XPNPEP1: variants seen among roughly 807,000 people sequenced by gnomAD.
XPNPEP1 encodes the protein xaa-Pro aminopeptidase 1.
Under a neutral mutation model 92.4 loss-of-function variants are expected in XPNPEP1, and 39 were observed. The ratio of observed to expected loss-of-function variants is 0.42; its 90% CI spans 0.33 to 0.55. The LOEUF is 0.55. Among genes scored for constraint, XPNPEP1 ranks in the 20% least tolerant of loss-of-function variants. The pLI, the probability that XPNPEP1 is intolerant of heterozygous loss-of-function variation, is 0.08. For missense variants in XPNPEP1, 654 were observed against 856.1 expected (o/e 0.76, Z 2.95); for synonymous variants, 307 against 299.4 (o/e 1.03, Z -0.26).
In XPNPEP1 at chr10:109,865,007, C is replaced by A. The variant is rs2133330961; in HGVS notation, c.*177G>T. ...TCAACAATTAAAAAATCATAAAAGA[C>A]TGAGTGTTTGCAATAAAATATCAAA... On this transcript the variant is annotated 3_prime_UTR_variant, in exon 21 of 21. Transcript: ENST00000502935. 1.1e-6 allele frequency: 1 copy of A among 906,432 alleles called. No individual in the cohort carries two copies. The highest frequency in any genetic ancestry group is 1.7e-5 in the African/African-American group (1 of 59,604). The allele number at this position is 906,432 out of a possible 1,614,324, so 56.1% of individuals were successfully genotyped here.
At chr10:109,900,803 G>A (rs1024515015) in intron 3 of XPNPEP1, among the ~76,000 whole-genome samples, 5 of 152,056 alleles carry the variant, frequency 3.3e-5, no homozygotes, top group Non-Finnish European at 5.9e-5. Flanking sequence ...GACCAGTCAG[G>A]GGTAATTCAT....
intron 15 of XPNPEP1, among the ~76,000 whole-genome samples, chr10:109,875,171 C>A (rs1847710762): frequency 1.3e-5 from 2 of 152,190 alleles, no homozygotes; most frequent in South Asian, 4.1e-4. Flanking sequence ...TCCCTTACTT[C>A]ATAAGGCCCT....
intron 7 of XPNPEP1, 99 bp from the exon 8 acceptor site, chr10:109,886,440 T>C: frequency 9.1e-7 from 1 of 1,103,018 alleles, no homozygotes; most frequent in Non-Finnish European, 1.3e-6. Context: ...TCAGCACCAT[T>C]TCTTACAGGA....
At chr10:109,869,108 G>A (rs1847303212) in intron 19 of XPNPEP1, among the ~76,000 whole-genome samples, 1 of 152,180 alleles carries the variant, frequency 6.6e-6, no homozygotes, top group Non-Finnish European at 1.5e-5. Context: ...CAACTGTGTG[G>A]TCTGCCTTGA....
intron 3 of XPNPEP1, among the ~76,000 whole-genome samples, chr10:109,896,066 G>A (rs1848968729): frequency 6.6e-6 from 1 of 152,114 alleles, no homozygotes; most frequent in African/African-American, 2.4e-5. Context: ...CATATCCTGA[G>A]CTCATTCCTG....
intron 3 of XPNPEP1, among the ~76,000 whole-genome samples, chr10:109,897,755 G>A (rs910578268): frequency 4.0e-5 from 6 of 151,836 alleles, no homozygotes; most frequent in East Asian, 1.9e-4. Context: ...CCAGGTTCAC[G>A]CGATTCTCAT....
intron 14 of XPNPEP1, chr10:109,875,819 C>T: frequency 2.3e-6 from 1 of 440,694 alleles, no homozygotes; most frequent in East Asian, 3.8e-5. Flanking sequence ...AGATAAAGAG[C>T]TCAACAAAGG....
chr10:109,900,118 T>A (rs1257606499), intron 3 of XPNPEP1, among the ~76,000 whole-genome samples: 1 of 152,206 alleles, frequency 6.6e-6, no homozygotes, highest in Non-Finnish European at 1.5e-5. Context: ...CAGTGCCAAG[T>A]CCTTGCGTAA....
intron 11 of XPNPEP1, 55 bp downstream of exon 11, chr10:109,880,787 G>T: frequency 6.4e-7 from 1 of 1,555,292 alleles, no homozygotes. Flanking sequence ...AGGTGAAGGA[G>T]CCGGGCCTTC....
chr10:109,902,011 T>A (rs193089503), intron 3 of XPNPEP1, among the ~76,000 whole-genome samples: 1 of 152,254 alleles, frequency 6.6e-6, no homozygotes, highest in Admixed American at 6.5e-5. Context: ...TTTACTTTAA[T>A]GTGTCTATGA....
chr10:109,870,366 G>C (rs1847387226), intron 18 of XPNPEP1, among the ~76,000 whole-genome samples: 1 of 152,128 alleles, frequency 6.6e-6, no homozygotes, highest in Admixed American at 6.5e-5. Context: ...ACTTGGCAAT[G>C]ACCTGAGAAA....
Position 109,921,762 on chromosome 10 carries a change from T to G in XPNPEP1, c.32+1640A>C, listed in dbSNP as rs148134200. Among the ~76,000 whole-genome samples the G allele has an allele frequency of 2.7e-3, 404 of 152,310 alleles. 2 individuals carry two copies. The highest frequency in any genetic ancestry group is 9.0e-3 in the African/African-American group (373 of 41,564). On this transcript the variant is annotated intron_variant, in intron 1 of 20. Transcript: ENST00000502935. Reference sequence around the variant, plus strand: ...GCCCAAGGGGTTCAAAGCAGTCTTATCCAAACACCTAACAGGCTCTGGGAC... The same window carrying G: ...GCCCAAGGGGTTCAAAGCAGTCTTAGCCAAACACCTAACAGGCTCTGGGAC...
intron 3 of XPNPEP1, among the ~76,000 whole-genome samples, chr10:109,906,049 G>A (rs939881682): frequency 1.3e-5 from 2 of 152,178 alleles, no homozygotes; most frequent in Non-Finnish European, 2.9e-5. Flanking sequence ...GGACCTCTGG[G>A]GAGAGGCAGG....
chr10:109,923,104 T>A, intron 1 of XPNPEP1: 1 of 957,526 alleles, frequency 1.0e-6, no homozygotes, highest in Non-Finnish European at 1.2e-6. Flanking sequence ...CCAGGAACTG[T>A]GACGGCCGCC....
chr10:109,878,479 G>T, intron 12 of XPNPEP1: 1 of 168,218 alleles, frequency 5.9e-6, no homozygotes, highest in Non-Finnish European at 1.3e-5. Flanking sequence ...AGGAGGACTG[G>T]GTTAGTAAAT....
chr10:109,874,145 G>T (rs527479235), intron 15 of XPNPEP1, among the ~76,000 whole-genome samples: 29 of 152,328 alleles, frequency 1.9e-4, no homozygotes, highest in African/African-American at 6.0e-4. Flanking sequence ...TTACCCCAAT[G>T]AAGTTATTTT....
chr10:109,871,960 G>T, intron 16 of XPNPEP1, 99 bp from the exon 17 acceptor site: 1 of 1,219,738 alleles, frequency 8.2e-7, no homozygotes, highest in Non-Finnish European at 1.1e-6. Context: ...AAAGTTTTTA[G>T]CAATATCATA....
At chr10:109,907,523 C>T (rs1849617747) in intron 3 of XPNPEP1, among the ~76,000 whole-genome samples, 168 bp downstream of exon 3, 1 of 152,194 alleles carries the variant, frequency 6.6e-6, no homozygotes. Context: ...AAGCTAGGGC[C>T]AATCCACAAG....
intron 7 of XPNPEP1, 45 bp from the exon 8 acceptor site, chr10:109,886,386 A>G (rs776291161): frequency 5.3e-5 from 84 of 1,584,038 alleles, no homozygotes; most frequent in Non-Finnish European, 7.0e-5. Context: ...GGTCCCAGAA[A>G]GCAGTAGGAA....
Sources: gnomAD v4.1 joint callset for allele counts (sites outside exome capture counted in the v4.1 genomes callset) on GRCh38, gnomAD v4.1.1 for gene constraint, MANE v1.5 for transcripts, NCBI Gene and HGNC (gene_info 2026-07-23, HGNC 2026-07-21) for gene names.